PDE8B: variants seen among roughly 807,000 people sequenced by gnomAD.
PDE8B encodes the protein phosphodiesterase 8B.
A neutral mutation model predicts 101.3 loss-of-function variants in PDE8B; 26 were observed. That is an observed-to-expected ratio of 0.26 (90% CI 0.19 to 0.36). PDE8B has a LOEUF of 0.36. Ranked by LOEUF, PDE8B falls within the 10% of genes least tolerant of loss-of-function variation. The pLI, the probability that PDE8B is intolerant of heterozygous loss-of-function variation, is 1.00. For synonymous variants in PDE8B, 424 were observed against 429.3 expected, an observed-to-expected ratio of 0.99 and a Z score of 0.15; for missense variants, 810 against 1,163.1, an observed-to-expected ratio of 0.70 and a Z score of 4.42.
the PDE8B span, among the ~76,000 whole-genome samples, chr5:77,204,134 G>A: frequency 1.3e-5 from 2 of 150,406 alleles, no homozygotes; most frequent in African/African-American, 4.9e-5. Context: ...TGGAGGCTGG[G>A]CGCAGTGGCT....
chr5:77,317,112 C>T (rs1203230979), intron 2 of PDE8B, among the ~76,000 whole-genome samples: 1 of 151,858 alleles, frequency 6.6e-6, no homozygotes, highest in Non-Finnish European at 1.5e-5. Flanking sequence ...CACCATGTTC[C>T]CTGACCACAG....
the PDE8B span, chr5:77,151,947 A>G: frequency 3.3e-5 from 5 of 152,220 alleles, no homozygotes; most frequent in South Asian, 2.1e-4. Context: ...CCATTATGGT[A>G]ACAGGCTGCT....
intron 5 of PDE8B, among the ~76,000 whole-genome samples, chr5:77,334,166 G>C (rs1227413530): frequency 6.6e-6 from 1 of 152,208 alleles, no homozygotes; most frequent in African/African-American, 2.4e-5. Context: ...TGCCTTCCAT[G>C]AAGTTGTTTC....
At chr5:77,315,776 G>T (rs993096419) in intron 2 of PDE8B, among the ~76,000 whole-genome samples, 1 of 152,172 alleles carries the variant, frequency 6.6e-6, no homozygotes, top group Non-Finnish European at 1.5e-5. Context: ...TATTCTTGAT[G>T]ACTGTCCCTT....
chr5:77,302,501 C>G (rs1380995236), intron 1 of PDE8B, among the ~76,000 whole-genome samples: 2 of 152,298 alleles, frequency 1.3e-5, no homozygotes, highest in South Asian at 2.1e-4. Flanking sequence ...CTGGGTGGCC[C>G]ACTGCAGCGG....
intron 1 of PDE8B, among the ~76,000 whole-genome samples, chr5:77,235,949 G>A (rs1381329339): frequency 6.6e-6 from 1 of 152,100 alleles, no homozygotes; most frequent in Non-Finnish European, 1.5e-5. Flanking sequence ...GAGGAAACTG[G>A]AGCCGAGATA....
chr5:77,114,642 G>A, the PDE8B span: 1 of 151,980 alleles, frequency 6.6e-6, no homozygotes, highest in African/African-American at 2.4e-5. Context: ...GCACATGTAC[G>A]CTAGAACCGA....
At chr5:77,401,450 A>C (rs1792258881) in intron 11 of PDE8B, among the ~76,000 whole-genome samples, 1 of 152,226 alleles carries the variant, frequency 6.6e-6, no homozygotes, top group South Asian at 2.1e-4. Flanking sequence ...ATATTGGTAA[A>C]TTGAAACCAT....
At position 77,407,420 on chromosome 5, in the gene PDE8B, G is replaced by A; in HGVS notation, c.1328G>A (p.Arg443Lys). The A allele has an allele frequency of 6.2e-7, 1 of 1,614,064 alleles. No individual in the cohort carries two copies. The highest frequency in any genetic ancestry group is 8.5e-7 in the Non-Finnish European group (1 of 1,179,980). ...AATCGTCGCTATCCGTCCATGGCGA[G>A]GATCCACTCCATGACCATCGAGGCT... is the stretch of plus-strand genomic sequence containing the variant. ...LQNRRYPSMA[R>K]IHSMTIEAPI... is the part of the protein sequence containing the mutation. Residue 443 changes from arginine (R) to lysine (K), a missense_variant, in exon 13 of 22, where the codon AGG (arginine) becomes AAG (lysine). Physicochemically the swap from Arg to Lys is conservative, Grantham distance 26 (BLOSUM62 2). Transcript: ENST00000264917.
At chr5:77,090,094 C>A in the PDE8B span, among the ~76,000 whole-genome samples, 1 of 152,104 alleles carries the variant, frequency 6.6e-6, no homozygotes, top group Non-Finnish European at 1.5e-5. Context: ...AGAAGTTGAT[C>A]TCATGGAGGT....
At chr5:77,382,679 A>C (rs1362123572) in intron 10 of PDE8B, among the ~76,000 whole-genome samples, 1 of 152,098 alleles carries the variant, frequency 6.6e-6, no homozygotes, top group Non-Finnish European at 1.5e-5. Flanking sequence ...ATGAGTGAGA[A>C]CATGTGGTGT....
chr5:77,301,014 G>A (rs948212250), intron 1 of PDE8B, among the ~76,000 whole-genome samples: 11 of 152,218 alleles, frequency 7.2e-5, no homozygotes, highest in African/African-American at 2.2e-4. Flanking sequence ...GCCCGACAAG[G>A]ATTCATTACC....
At chr5:77,355,604 G>C (rs2150500723) in intron 10 of PDE8B, among the ~76,000 whole-genome samples, 1 of 152,318 alleles carries the variant, frequency 6.6e-6, no homozygotes, top group East Asian at 1.9e-4. Context: ...GAGCCCTGTA[G>C]CTTTTTGCCA....
the PDE8B span, among the ~76,000 whole-genome samples, chr5:77,155,168 C>CT: frequency 6.6e-6 from 1 of 152,190 alleles, no homozygotes; most frequent in Non-Finnish European, 1.5e-5. Context: ...TCTCTTCTCT[C>CT]TATGTCTGTG....
chr5:77,340,595 C>G (rs1278620476), intron 6 of PDE8B, among the ~76,000 whole-genome samples: 6 of 122,674 alleles, frequency 4.9e-5, no homozygotes, highest in African/African-American at 1.9e-4. Context: ...TCCAGGCAGC[C>G]TCACAGTGTG....
chr5:77,205,455 G>A (rs1254707438), upstream of PDE8B, among the ~76,000 whole-genome samples: 1 of 151,966 alleles, frequency 6.6e-6, no homozygotes, highest in Non-Finnish European at 1.5e-5. Context: ...TCCTCTCTGG[G>A]TGTCTGGTTC....
chr5:77,229,202 G>T (rs1171073481), intron 1 of PDE8B, among the ~76,000 whole-genome samples: 1 of 152,180 alleles, frequency 6.6e-6, no homozygotes, highest in Non-Finnish European at 1.5e-5. Flanking sequence ...TTCTAGTTAA[G>T]CCATATGTTC....
Position 77,353,202 on chromosome 5 carries a change from G to A in PDE8B, c.1107-144G>A, listed in dbSNP as rs765490235. ...GCTCTGTGTGAAAACTGTGTTTTCTGTAGATTGAGTCTTGCTTGAATTTTA... is the reference window on the plus strand; with the variant it reads ...GCTCTGTGTGAAAACTGTGTTTTCTATAGATTGAGTCTTGCTTGAATTTTA... On this transcript the variant is annotated intron_variant, in intron 9 of 21. Transcript: ENST00000264917. 8.5e-5 allele frequency: 57 copies of A among 667,458 alleles called. 1 individual carries two copies. Among genetic ancestry groups the A allele is most frequent in the Admixed American group, 1.7e-4 (8 of 47,566 alleles). 41.3% of individuals were successfully genotyped at this position (667,458 alleles called of 1,614,324 possible).
In PDE8B at chr5:77,428,060, C is replaced by G. The variant is rs1306363048; in HGVS notation, c.*1506C>G. 3.9e-5 allele frequency: 6 copies of G among 152,114 alleles called. No individual in the cohort carries two copies. Among genetic ancestry groups the G allele is most frequent in the Admixed American group, 1.3e-4 (2 of 15,260 alleles). 9.4% of individuals were successfully genotyped at this position (152,114 alleles called of 1,614,324 possible). A position where few individuals can be genotyped will look rare whatever the true frequency, so the allele number is the denominator to read the frequency against. On this transcript the variant is annotated 3_prime_UTR_variant, in exon 22 of 22. Coordinates refer to ENST00000264917, the MANE Select transcript of PDE8B (RefSeq NM_003719.5). ...GACAATTCCATGCAAAGAAATGTAT[C>G]TAAATTATTTTTGTTAGATGATAAG...
Sources: gnomAD v4.1 joint callset for allele counts (sites outside exome capture counted in the v4.1 genomes callset) on GRCh38, gnomAD v4.1.1 for gene constraint, MANE v1.5 for transcripts, NCBI Gene and HGNC (gene_info 2026-07-23, HGNC 2026-07-21) for gene names.